Variants in ANTXR1 observed in about 807,000 individuals in gnomAD.
ANTXR1 encodes the protein anthrax toxin receptor 1.
ANTXR1 carries 19 observed loss-of-function variants against 78.1 expected under a neutral mutation model. That is an observed-to-expected ratio of 0.24 (90% CI 0.17 to 0.36). The LOEUF (loss-of-function observed/expected upper bound fraction) is 0.36, where lower values mean the gene tolerates loss of function less well. Ranked by LOEUF, ANTXR1 falls within the 10% of genes least tolerant of loss-of-function variation. The pLI is 1.00. For synonymous variants in ANTXR1, 273 were observed against 260.5 expected (o/e 1.05, Z -0.46); for missense variants, 518 against 718.6 (o/e 0.72, Z 3.19).
chr2:69,193,256 C>A (rs755717933), intron 16 of ANTXR1, 79 bp from the exon 17 acceptor site: 1 of 1,209,988 alleles, frequency 8.3e-7, no homozygotes, highest in Non-Finnish European at 1.2e-6. Context: ...TGAAGAAGCA[C>A]GGAAAGTTCT....
At chr2:69,215,056 C>G (rs1226717238) in intron 17 of ANTXR1, among the ~76,000 whole-genome samples, 2 of 152,202 alleles carry the variant, frequency 1.3e-5, no homozygotes, top group African/African-American at 4.8e-5. Context: ...ACTTACAGGA[C>G]GCATGGATGG....
intron 10 of ANTXR1, among the ~76,000 whole-genome samples, chr2:69,109,547 C>T (rs1671915093): frequency 1.3e-5 from 2 of 152,174 alleles, no homozygotes; most frequent in African/African-American, 2.4e-5. Context: ...CAGAACCAAA[C>T]ACTTAGGTGA....
chr2:69,130,256 C>A (rs1460331105), intron 12 of ANTXR1, among the ~76,000 whole-genome samples: 1 of 152,040 alleles, frequency 6.6e-6, no homozygotes, highest in Admixed American at 6.6e-5. Flanking sequence ...AAGAAAATGA[C>A]CTAAAGTTAG....
chr2:69,013,172 C>T (rs1384832044), upstream of ANTXR1: 4 of 164,442 alleles, frequency 2.4e-5, no homozygotes, highest in African/African-American at 8.2e-5. The surrounding 1 kb of genome is among the most constrained non-coding windows in gnomAD (Gnocchi z 5.0). Context: ...GACAAAGAAC[C>T]GTCGGGACGG....
intron 17 of ANTXR1, among the ~76,000 whole-genome samples, chr2:69,200,589 T>C (rs917013536): frequency 6.6e-6 from 1 of 152,322 alleles, no homozygotes; most frequent in South Asian, 2.1e-4. Context: ...CTAACCCCTT[T>C]CCTTTTTTTC....
At chr2:69,086,177 G>A (rs906211560) in intron 8 of ANTXR1, among the ~76,000 whole-genome samples, 4 of 152,162 alleles carry the variant, frequency 2.6e-5, no homozygotes, top group Non-Finnish European at 5.9e-5. Flanking sequence ...AAGAAGCAGA[G>A]CAAGTAGAAA....
chr2:69,200,642 C>T (rs1042456325), intron 17 of ANTXR1, among the ~76,000 whole-genome samples: 2 of 152,154 alleles, frequency 1.3e-5, no homozygotes, highest in African/African-American at 4.8e-5. Flanking sequence ...GCCATGGCTG[C>T]TTTCCCTCAA....
chr2:69,099,764 G>A (rs1179457049), intron 9 of ANTXR1, among the ~76,000 whole-genome samples: 1 of 152,144 alleles, frequency 6.6e-6, no homozygotes, highest in African/African-American at 2.4e-5. Flanking sequence ...GTTGGGACCT[G>A]AATAAATGAT....
chr2:69,041,928 A>G (rs1047609349), intron 2 of ANTXR1, among the ~76,000 whole-genome samples: 5 of 151,988 alleles, frequency 3.3e-5, no homozygotes, highest in African/African-American at 4.8e-5. Flanking sequence ...TCTTACCATC[A>G]CCCAAACTCC....
chr2:69,017,405 C>T (rs1394762589), intron 1 of ANTXR1, among the ~76,000 whole-genome samples: 2 of 152,164 alleles, frequency 1.3e-5, no homozygotes, highest in African/African-American at 4.8e-5. Context: ...GGACTGAATC[C>T]ACCATTCTTC....
At chr2:69,028,172 T>A (rs1671407980) in intron 1 of ANTXR1, among the ~76,000 whole-genome samples, 1 of 152,194 alleles carries the variant, frequency 6.6e-6, no homozygotes, top group Admixed American at 6.5e-5. Context: ...GAAGAAACTT[T>A]CAATGCTTTA....
chr2:69,155,987 C>T (rs1358881528), intron 13 of ANTXR1, among the ~76,000 whole-genome samples: 1 of 152,062 alleles, frequency 6.6e-6, no homozygotes, highest in Non-Finnish European at 1.5e-5. Context: ...CCCCAATTCC[C>T]GATCTCCCCT....
At chr2:69,125,904 C>T (rs143817667) in intron 12 of ANTXR1, among the ~76,000 whole-genome samples, 217 of 152,162 alleles carry the variant, frequency 1.4e-3, no homozygotes, top group African/African-American at 4.8e-3. Flanking sequence ...CCTTTGTCGG[C>T]GTATTCAGTT....
chr2:69,205,763 G>T (rs1198083521), intron 17 of ANTXR1, among the ~76,000 whole-genome samples: 1 of 152,176 alleles, frequency 6.6e-6, no homozygotes, highest in South Asian at 2.1e-4. Flanking sequence ...TGAATCCTCC[G>T]TCTCTTAATA....
At chr2:69,126,877 C>A (rs982111632) in intron 12 of ANTXR1, among the ~76,000 whole-genome samples, 4 of 152,232 alleles carry the variant, frequency 2.6e-5, no homozygotes, top group African/African-American at 7.2e-5. Context: ...CTTCACTTGA[C>A]CCTTGATCAA....
chr2:69,088,417 A>G (rs1335994485), intron 8 of ANTXR1, among the ~76,000 whole-genome samples: 1 of 152,208 alleles, frequency 6.6e-6, no homozygotes, highest in South Asian at 2.1e-4. Context: ...TGCCTGAGGA[A>G]TTTTATTTAA....
chr2:69,211,712 A>G (rs1675048676), intron 17 of ANTXR1, among the ~76,000 whole-genome samples: 1 of 152,238 alleles, frequency 6.6e-6, no homozygotes, highest in South Asian at 2.1e-4. Flanking sequence ...GTTTTCATAG[A>G]GCATCACTTG....
At position 69,182,844 on chromosome 2, in the gene ANTXR1, G is replaced by T; in HGVS notation, c.1353+184G>T. On this transcript the variant is annotated intron_variant, in intron 16 of 17. Transcript: ENST00000303714. ...ACTTTGTCAATTTCCACATAATCTGGGTTGAAAACTAGGCTTTTTAAAAAT... is the reference window on the plus strand; with the variant it reads ...ACTTTGTCAATTTCCACATAATCTGTGTTGAAAACTAGGCTTTTTAAAAAT... 5.2e-6 allele frequency: 4 copies of T among 774,108 alleles called. No homozygotes were observed. The East Asian group carries it at 1.1e-4, about 21-fold the overall frequency. The allele number at this position is 774,108 out of a possible 1,614,324, so 48.0% of individuals were successfully genotyped here.
chr2:69,211,430 A>T (rs1003904647), intron 17 of ANTXR1, among the ~76,000 whole-genome samples: 5 of 152,186 alleles, frequency 3.3e-5, no homozygotes, highest in Non-Finnish European at 5.9e-5. Flanking sequence ...TCTCTGACAT[A>T]AGGGAATTTT....
Sources: allele counts gnomAD v4.1 joint callset (sites outside exome capture counted in the v4.1 genomes callset), GRCh38; gene constraint gnomAD v4.1.1; non-coding constraint Gnocchi (gnomAD v3.1); transcripts MANE v1.5; gene names NCBI Gene and HGNC (gene_info 2026-07-23, HGNC 2026-07-21).